Variants in RNF24 observed in about 807,000 individuals in gnomAD.
RNF24 encodes the protein ring finger protein 24.
A neutral mutation model predicts 20.0 loss-of-function variants in RNF24; 14 were observed. The observed-to-expected ratio is 0.70, with a 90% CI of 0.46 to 1.10. RNF24 has a LOEUF of 1.10. Ranked by LOEUF, RNF24 falls within the 50% of genes least tolerant of loss-of-function variation. The probability of loss-of-function intolerance (pLI) is 0.00; values close to 1 mark genes in which losing one functional copy is unlikely to be tolerated. For missense variants in RNF24, 124 were observed against 177.6 expected, an observed-to-expected ratio of 0.70 and a Z score of 1.71; for synonymous variants, 45 against 61.1, an observed-to-expected ratio of 0.74 and a Z score of 1.23.
chr20:3,943,689 C>A (rs1457324486), intron 4 of RNF24, among the ~76,000 whole-genome samples: 1 of 152,128 alleles, frequency 6.6e-6, no homozygotes, highest in Non-Finnish European at 1.5e-5. Context: ...TAGTTGGATA[C>A]TAACTATGAT....
At chr20:3,946,006 G>T (rs2091012064) in intron 3 of RNF24, among the ~76,000 whole-genome samples, 5 of 152,058 alleles carry the variant, frequency 3.3e-5, no homozygotes, top group Non-Finnish European at 2.9e-5. Flanking sequence ...CTACTATAAG[G>T]CCTCACAGGG....
rs58334745 is a variant in RNF24 at position 3,944,209 on chromosome 20, C to CAAAA, written c.228+964_228+967dup. Among the ~76,000 whole-genome samples, 869 of 109,794 alleles carry CAAAA rather than the reference C, an allele frequency of 7.9e-3. 10 individuals carry two copies. The highest frequency in any genetic ancestry group is 0.025 in the African/African-American group (819 of 33,054). 72.0% of individuals were successfully genotyped at this position (109,794 alleles called of 152,430 possible). On this transcript the variant is annotated intron_variant, in intron 4 of 5. Coordinates refer to ENST00000358395, the MANE Select transcript of RNF24 (RefSeq NM_001134337.3). ...TGGATGACAGAGTAAGACCCCGTCT[C>CAAAA]AAAAAAAAAAAAAAAAAAAAATCAA... is the stretch of plus-strand genomic sequence containing the variant.
intron 2 of RNF24, among the ~76,000 whole-genome samples, chr20:3,955,111 T>C (rs2091127771): frequency 6.6e-6 from 1 of 152,226 alleles, no homozygotes; most frequent in Non-Finnish European, 1.5e-5. Flanking sequence ...TAATGACCAA[T>C]AATGTCAAAC....
rs778871683 is a variant in RNF24 at position 3,934,947 on chromosome 20, G to A, written c.308+47C>T. ...TAAAACCCAAAAGAAGTTGGTTGAT[G>A]TGCCTCAAACTCGGGTCCCATTAAG... On this transcript the variant is annotated intron_variant, in intron 5 of 5. Transcript: ENST00000358395. This position sits in a 1 kb window ranked among gnomAD's most constrained non-coding sequence, Gnocchi z 4.0. The A allele has an allele frequency of 6.6e-7, 1 of 1,517,804 alleles. No homozygotes were observed. The highest frequency in any genetic ancestry group is 1.7e-5 in the Admixed American group (1 of 59,700). The allele number at this position is 1,517,804 out of a possible 1,614,324, so 94.0% of individuals were successfully genotyped here.
At chr20:3,939,638 C>G (rs2090932331) in intron 4 of RNF24, among the ~76,000 whole-genome samples, 3 of 152,230 alleles carry the variant, frequency 2.0e-5, no homozygotes, top group African/African-American at 7.2e-5. Flanking sequence ...TGTGAGTTCT[C>G]TAACTCTGTT....
At chr20:3,993,845 A>C (rs770421857) in intron 1 of RNF24, among the ~76,000 whole-genome samples, 1 of 152,196 alleles carries the variant, frequency 6.6e-6, no homozygotes, top group Non-Finnish European at 1.5e-5. Context: ...TTTTATTTTG[A>C]AATAATTTTC....
At chr20:3,975,924 C>G (rs868710662) in intron 1 of RNF24, among the ~76,000 whole-genome samples, 170 of 151,860 alleles carry the variant, frequency 1.1e-3, no homozygotes, top group African/African-American at 3.8e-3. Flanking sequence ...GTAGCTGGGA[C>G]TATAGGAGTG....
At chr20:3,999,976 G>C (rs1981253127) in intron 1 of RNF24, among the ~76,000 whole-genome samples, 1 of 152,162 alleles carries the variant, frequency 6.6e-6, no homozygotes, top group African/African-American at 2.4e-5. Context: ...ATAGAAAGTA[G>C]ATTGGTAGTT....
At chr20:3,999,304 T>C (rs1273700148) in intron 1 of RNF24, among the ~76,000 whole-genome samples, 1 of 152,200 alleles carries the variant, frequency 6.6e-6, no homozygotes, top group East Asian at 1.9e-4. Context: ...TATTCATATA[T>C]ACAAATGCAG....
intron 3 of RNF24, 121 bp from the exon 4 acceptor site, chr20:3,945,339 G>A: frequency 1.0e-6 from 1 of 969,836 alleles, no homozygotes; most frequent in Non-Finnish European, 1.5e-6. Context: ...ATTCAATATT[G>A]AAGGGAATTT....
At chr20:3,962,595 C>T (rs561884897) in intron 2 of RNF24, among the ~76,000 whole-genome samples, 1 of 151,910 alleles carries the variant, frequency 6.6e-6, no homozygotes, top group Non-Finnish European at 1.5e-5. Context: ...AGTGGCAGTA[C>T]TTTTTTTGGG....
chr20:3,946,545 C>T (rs1225831679), intron 3 of RNF24, among the ~76,000 whole-genome samples: 2 of 151,816 alleles, frequency 1.3e-5, no homozygotes, highest in African/African-American at 2.4e-5. Context: ...AAAAATTAGC[C>T]GGGGGTGGTG....
rs568391198 is a variant in RNF24, at chr20:3,978,588, T to TTAAATGATTC, written c.-7-14574_-7-14565dup. Among the ~76,000 whole-genome samples, 78 of 152,158 alleles carry TTAAATGATTC rather than the reference T, an allele frequency of 5.1e-4. 2 individuals are homozygous for TTAAATGATTC. In the East Asian group the frequency reaches 0.014, roughly 27 times the overall value. On this transcript the variant is annotated intron_variant, in intron 1 of 5. Transcript: ENST00000358395. ...TTCAGCTTTATTATAAGAAAACACT[T>TTAAATGATTC]TAAATGATTCTAAGATATTTTTAAA... is the stretch of plus-strand genomic sequence containing the variant.
intron 1 of RNF24, among the ~76,000 whole-genome samples, chr20:4,014,016 T>C (rs1982672650): frequency 6.6e-6 from 1 of 152,254 alleles, no homozygotes; most frequent in South Asian, 2.1e-4. Context: ...TCTTCATAAC[T>C]TTACCAACAC....
intron 1 of RNF24, among the ~76,000 whole-genome samples, chr20:3,989,154 A>C (rs1052424862): frequency 2.6e-5 from 4 of 152,222 alleles, no homozygotes; most frequent in African/African-American, 9.6e-5. Context: ...ATTCTAGTTT[A>C]AAAGTAAAAA....
At chr20:4,002,112 G>T (rs948232703) in intron 1 of RNF24, among the ~76,000 whole-genome samples, 12 of 152,096 alleles carry the variant, frequency 7.9e-5, no homozygotes, top group Non-Finnish European at 1.8e-4. Context: ...TTAGCCGGGC[G>T]TGGTGGCTCA....
intron 2 of RNF24, among the ~76,000 whole-genome samples, chr20:3,958,921 C>T (rs113415499): frequency 0.011 from 1,607 of 152,332 alleles, 17 homozygotes; most frequent in African/African-American, 0.035. Context: ...GGATTATAGG[C>T]GTAAGCCACC....
intron 2 of RNF24, among the ~76,000 whole-genome samples, chr20:3,960,676 C>G (rs1269416410): frequency 6.6e-6 from 1 of 151,844 alleles, no homozygotes; most frequent in Non-Finnish European, 1.5e-5. Flanking sequence ...CAAAACAAAA[C>G]AAAACAAAAC....
chr20:3,952,950 T>C (rs573161678), intron 2 of RNF24, among the ~76,000 whole-genome samples: 2 of 152,300 alleles, frequency 1.3e-5, no homozygotes, highest in Non-Finnish European at 2.9e-5. Context: ...AAAGGATCGG[T>C]CTATAATTTC....
Sources: gnomAD v4.1 joint callset for allele counts (sites outside exome capture counted in the v4.1 genomes callset) on GRCh38, gnomAD v4.1.1 for gene constraint, Gnocchi (gnomAD v3.1) non-coding constraint, MANE v1.5 for transcripts, NCBI Gene and HGNC (gene_info 2026-07-23, HGNC 2026-07-21) for gene names.